The following GSG1L variants were observed in gnomAD, a reference collection of about 807,000 sequenced individuals.
GSG1L encodes the protein GSG1 like.
GSG1L carries 24 observed loss-of-function variants against 42.1 expected under a neutral mutation model. The ratio of observed to expected loss-of-function variants is 0.57; its 90% CI spans 0.41 to 0.80. GSG1L has a LOEUF of 0.80. Among genes scored for constraint, GSG1L ranks in the 30% least tolerant of loss-of-function variants. The pLI, the probability that GSG1L is intolerant of heterozygous loss-of-function variation, is 0.00. For synonymous variants in GSG1L, 215 were observed against 203.5 expected (o/e 1.06, Z -0.48); for missense variants, 445 against 472.2 (o/e 0.94, Z 0.53).
intron 5 of GSG1L, among the ~76,000 whole-genome samples, chr16:27,822,102 G>C (rs937904710): frequency 1.3e-5 from 2 of 151,926 alleles, no homozygotes; most frequent in Non-Finnish European, 2.9e-5. Flanking sequence ...GAGGGGGGCG[G>C]GGGCAGGGAG....
intron 5 of GSG1L, among the ~76,000 whole-genome samples, chr16:27,811,102 C>CACAT: frequency 6.6e-6 from 1 of 152,336 alleles, no homozygotes; most frequent in East Asian, 1.9e-4. Flanking sequence ...CCCCTATAAT[C>CACAT]ACATCTCCAT....
chr16:27,796,236 C>A (rs1368256724), intron 6 of GSG1L, among the ~76,000 whole-genome samples: 1 of 152,214 alleles, frequency 6.6e-6, no homozygotes, highest in East Asian at 1.9e-4. Context: ...CACAGGTCCG[C>A]CCAAAGCCAA....
rs1338282822 is a variant in GSG1L at position 28,063,241 on chromosome 16, T to A, written c.184A>T (p.Asn62Tyr). 21 of 1,274,840 alleles carry A rather than the reference T, an allele frequency of 1.6e-5. No individual in the cohort carries two copies. Among genetic ancestry groups the A allele is most frequent in the Non-Finnish European group, 2.1e-5 (21 of 1,012,566 alleles). 79.0% of individuals were successfully genotyped at this position (1,274,840 alleles called of 1,614,324 possible). The change falls in exon 1 of 7, where the codon AAC becomes TAC. Residue 62 changes from asparagine to tyrosine, a missense_variant. Asn to Tyr is a moderately radical substitution (Grantham distance 143). Coordinates refer to ENST00000447459, the MANE Select transcript of GSG1L (RefSeq NM_001109763.2). This position sits in a 1 kb window ranked among gnomAD's most constrained non-coding sequence, Gnocchi z 5.8. ...GCGGCGGCGGGGGCGGCGGTGCCGT[T>A]GGCCGTGGCGTTGGCGCCCGAGTTG... Reference protein sequence around the residue: ...CPNSGANATANGTAAPAAAAA... With the variant: ...CPNSGANATAYGTAAPAAAAA...
chr16:27,816,382 C>A lies in GSG1L; in HGVS notation c.831-8828G>T, dbSNP rs76617894. 4.7e-3 allele frequency among the ~76,000 whole-genome samples: 723 copies of A among 152,294 alleles called. 1 individual carries two copies. The highest frequency in any genetic ancestry group is 8.4e-3 in the Admixed American group (128 of 15,296). ...CCCTTTGCCCCAGAAGAGACAGAGT[C>A]CCCCAAACTGGGGACAAGGAACTTC... On this transcript the variant is annotated intron_variant, in intron 5 of 6. Transcript: ENST00000447459.
intron 1 of GSG1L, 41 bp from the exon 2 acceptor site, chr16:27,963,244 A>T (rs759924872): frequency 6.3e-7 from 1 of 1,587,976 alleles, no homozygotes; most frequent in African/African-American, 1.3e-5. Context: ...GTGAGAGGAC[A>T]CGTGGGCTTC....
chr16:27,923,433 G>GT (rs2084550836), intron 2 of GSG1L, among the ~76,000 whole-genome samples: 2 of 152,310 alleles, frequency 1.3e-5, no homozygotes, highest in African/African-American at 4.8e-5. Flanking sequence ...ATCCTCACCA[G>GT]TGCATGCATG....
At chr16:27,960,951 G>A (rs914770262) in intron 2 of GSG1L, among the ~76,000 whole-genome samples, 69 of 152,174 alleles carry the variant, frequency 4.5e-4, no homozygotes, top group African/African-American at 1.4e-3. Context: ...ACCTCTTTGG[G>A]GTTCTTGTAA....
At chr16:28,062,628 G>A (rs1396976578) in intron 1 of GSG1L, among the ~76,000 whole-genome samples, 3 of 152,180 alleles carry the variant, frequency 2.0e-5, no homozygotes, top group African/African-American at 7.2e-5. Flanking sequence ...GCGGCTGGTA[G>A]CAGGAGTCCC....
chr16:27,812,113 C>T (rs2083037961), intron 5 of GSG1L, among the ~76,000 whole-genome samples: 2 of 152,198 alleles, frequency 1.3e-5, no homozygotes, highest in Admixed American at 1.3e-4. Flanking sequence ...ACCTTCCCTC[C>T]CTCATCACCC....
intron 3 of GSG1L, among the ~76,000 whole-genome samples, chr16:27,864,664 T>C (rs2083693976): frequency 6.6e-6 from 1 of 152,222 alleles, no homozygotes; most frequent in African/African-American, 2.4e-5. Context: ...TTCCGCCCCT[T>C]GGACATGAGA....
chr16:28,017,260 T>C (rs774023780), intron 1 of GSG1L, among the ~76,000 whole-genome samples: 3 of 152,136 alleles, frequency 2.0e-5, no homozygotes, highest in Non-Finnish European at 4.4e-5. Context: ...AAAGGCATCT[T>C]CAAAGGTCAG....
intron 3 of GSG1L, among the ~76,000 whole-genome samples, chr16:27,873,234 T>C (rs989381367): frequency 6.6e-6 from 1 of 152,234 alleles, no homozygotes; most frequent in Admixed American, 6.5e-5. Context: ...TTGCAACTCA[T>C]CTGGTCACAA....
chr16:28,004,140 T>C (rs993777659), intron 1 of GSG1L, among the ~76,000 whole-genome samples: 1 of 152,078 alleles, frequency 6.6e-6, no homozygotes, highest in Non-Finnish European at 1.5e-5. Flanking sequence ...GAGTGGGGGC[T>C]GAGTTTGGCT....
At chr16:28,031,377 G>A (rs1485154268) in intron 1 of GSG1L, among the ~76,000 whole-genome samples, 1 of 147,712 alleles carries the variant, frequency 6.8e-6, no homozygotes, top group African/African-American at 2.5e-5. Flanking sequence ...GGATGAGATG[G>A]GATGGGATGG....
chr16:27,982,978 G>A (rs1169978907), intron 1 of GSG1L, among the ~76,000 whole-genome samples: 2 of 152,050 alleles, frequency 1.3e-5, no homozygotes, highest in Non-Finnish European at 2.9e-5. Context: ...AAAACACTAT[G>A]TAGAGTAGAA....
intron 1 of GSG1L, among the ~76,000 whole-genome samples, chr16:28,037,038 T>G (rs999870607): frequency 6.6e-6 from 1 of 152,114 alleles, no homozygotes; most frequent in Non-Finnish European, 1.5e-5. Flanking sequence ...GGTTTTGGGG[T>G]TTTTTTGAGA....
intron 4 of GSG1L, among the ~76,000 whole-genome samples, chr16:27,832,992 C>A (rs1034529274): frequency 2.0e-5 from 3 of 152,084 alleles, no homozygotes; most frequent in African/African-American, 4.8e-5. Flanking sequence ...ATCCATTTTT[C>A]CTTTTATGTG....
chr16:27,926,914 C>T (rs904586221), intron 2 of GSG1L, among the ~76,000 whole-genome samples: 1 of 152,036 alleles, frequency 6.6e-6, no homozygotes, highest in Non-Finnish European at 1.5e-5. Context: ...ATTAGTACTA[C>T]CCCCAATTTT....
chr16:27,901,630 G>A (rs2084259276), intron 2 of GSG1L, among the ~76,000 whole-genome samples: 1 of 152,234 alleles, frequency 6.6e-6, no homozygotes, highest in African/African-American at 2.4e-5. Context: ...AAGAGGCTGG[G>A]ATCTGCACTT....
Sources: allele counts gnomAD v4.1 joint callset (sites outside exome capture counted in the v4.1 genomes callset), GRCh38; gene constraint gnomAD v4.1.1; non-coding constraint Gnocchi (gnomAD v3.1); transcripts MANE v1.5; gene names NCBI Gene and HGNC (gene_info 2026-07-23, HGNC 2026-07-21).